Variants in AKAP12 observed in about 807,000 individuals in gnomAD.
AKAP12 encodes the protein A-kinase anchoring protein 12, also known as A-kinase anchor protein 12.
Under a neutral mutation model 79.9 loss-of-function variants are expected in AKAP12, and 32 were observed. The ratio of observed to expected loss-of-function variants is 0.40; its 90% CI spans 0.30 to 0.54. AKAP12 has a LOEUF of 0.54. Ranked by LOEUF, AKAP12 falls within the 20% of genes least tolerant of loss-of-function variation. The pLI, the probability that AKAP12 is intolerant of heterozygous loss-of-function variation, is 0.48. For synonymous variants in AKAP12, 808 were observed against 857.0 expected (o/e 0.94, Z 1.00); for missense variants, 2,074 against 2,177.0 (o/e 0.95, Z 0.94).
intron 2 of AKAP12, among the ~76,000 whole-genome samples, chr6:151,281,443 A>C (rs1776405705): frequency 6.6e-6 from 1 of 152,168 alleles, no homozygotes; most frequent in African/African-American, 2.4e-5. Flanking sequence ...CGCTATTTTA[A>C]TTTCAGGTTA....
chr6:151,323,778 G>A (rs1189300665), intron 3 of AKAP12: 1 of 985,270 alleles, frequency 1.0e-6, no homozygotes, highest in Non-Finnish European at 1.2e-6. Flanking sequence ...CTGATAGAAA[G>A]GAGAGGAGCT....
chr6:151,337,468 T>G (rs1777844253), intron 3 of AKAP12, among the ~76,000 whole-genome samples: 1 of 141,338 alleles, frequency 7.1e-6, no homozygotes, highest in East Asian at 2.1e-4. Flanking sequence ...TGAGCCGAGA[T>G]CGCGCCATTG....
chr6:151,316,673 C>T (rs902345681), intron 3 of AKAP12, among the ~76,000 whole-genome samples: 1 of 152,208 alleles, frequency 6.6e-6, no homozygotes, highest in Non-Finnish European at 1.5e-5. Context: ...CTCTGTCACC[C>T]AGGCTGGAGT....
At chr6:151,313,870 C>T (rs1562734115) in intron 3 of AKAP12, among the ~76,000 whole-genome samples, 1 of 152,092 alleles carries the variant, frequency 6.6e-6, no homozygotes, top group Non-Finnish European at 1.5e-5. Context: ...CACCCATCTC[C>T]GAAATTCTGT....
intron 2 of AKAP12, among the ~76,000 whole-genome samples, chr6:151,248,267 A>AT (rs112053514): frequency 0.11 from 15,811 of 140,696 alleles, 1,439 homozygotes; most frequent in East Asian, 0.29. Flanking sequence ...GGATTCTGTG[A>AT]TTTTTTTTTT....
chr6:151,325,162 C>G (rs149880235), intron 3 of AKAP12: 2 of 985,266 alleles, frequency 2.0e-6, no homozygotes, highest in Non-Finnish European at 2.4e-6. Context: ...CAGAGCAGTG[C>G]AACGTGTGTG....
Position 151,252,199 on chromosome 6 carries a change from C to CT in AKAP12, c.162+11490dup, listed in dbSNP as rs535309198. ...GCACAGCTGAAGGTCAAGTTTCTTT[C>CT]TTTTTTTTTTTTTTTCTGAGATGGA... On this transcript the variant is annotated intron_variant, in intron 2 of 4. Coordinates refer to ENST00000402676, the MANE Select transcript of AKAP12 (RefSeq NM_005100.4). Among the ~76,000 whole-genome samples the CT allele has an allele frequency of 6.6e-3, 943 of 143,600 alleles. 12 individuals carry two copies. Among genetic ancestry groups the CT allele is most frequent in the East Asian group, 0.03 (149 of 4,894 alleles). 94.2% of individuals were successfully genotyped at this position (143,600 alleles called of 152,430 possible).
intron 2 of AKAP12, among the ~76,000 whole-genome samples, chr6:151,272,313 C>T (rs188754668): frequency 6.8e-6 from 1 of 147,788 alleles, no homozygotes; most frequent in African/African-American, 2.5e-5. Context: ...TCACTGCACT[C>T]CAGCCTGAGT....
At chr6:151,246,606 G>A (rs1797079966) in intron 2 of AKAP12, among the ~76,000 whole-genome samples, 1 of 152,034 alleles carries the variant, frequency 6.6e-6, no homozygotes, top group Non-Finnish European at 1.5e-5. Flanking sequence ...AGTTTCCTTG[G>A]TGCATTTTTA....
intron 2 of AKAP12, among the ~76,000 whole-genome samples, chr6:151,269,368 C>T (rs1363863820): frequency 6.6e-6 from 1 of 151,942 alleles, no homozygotes; most frequent in Non-Finnish European, 1.5e-5. Flanking sequence ...ACTTGTTTGT[C>T]ATCCTGTTTG....
At chr6:151,326,733 G>T (rs140363096) in intron 3 of AKAP12, among the ~76,000 whole-genome samples, 1 of 152,200 alleles carries the variant, frequency 6.6e-6, no homozygotes, top group East Asian at 1.9e-4. Context: ...AATTCCGTTT[G>T]TGAATTTAAC....
intron 2 of AKAP12, among the ~76,000 whole-genome samples, chr6:151,260,006 C>G (rs1444517379): frequency 6.6e-6 from 1 of 151,896 alleles, no homozygotes; most frequent in Non-Finnish European, 1.5e-5. Context: ...GTTCCTAACA[C>G]AGTTGTTTTA....
intron 2 of AKAP12, among the ~76,000 whole-genome samples, chr6:151,301,747 C>T (rs757462872): frequency 2.6e-5 from 4 of 152,068 alleles, no homozygotes; most frequent in African/African-American, 4.8e-5. Flanking sequence ...CCTGGCGGGA[C>T]GCAAGCTATT....
At chr6:151,265,084 G>C (rs891358996) in intron 2 of AKAP12, among the ~76,000 whole-genome samples, 7 of 151,792 alleles carry the variant, frequency 4.6e-5, no homozygotes, top group African/African-American at 1.7e-4. Context: ...CCAGGAGGTG[G>C]AGGTTGCAGT....
At chr6:151,334,451 G>A (rs1276281910) in intron 3 of AKAP12, among the ~76,000 whole-genome samples, 9 of 151,906 alleles carry the variant, frequency 5.9e-5, no homozygotes, top group Middle Eastern at 3.4e-3. Flanking sequence ...AATATTTAGC[G>A]GGGCGTGGTG....
intron 2 of AKAP12, among the ~76,000 whole-genome samples, chr6:151,241,836 A>AT: frequency 6.6e-6 from 1 of 151,766 alleles, no homozygotes; most frequent in East Asian, 1.9e-4. Flanking sequence ...CAAAAAAAAA[A>AT]AAAAAAAGGA....
At chr6:151,252,631 ACCT>A (rs1797203640) in intron 2 of AKAP12, among the ~76,000 whole-genome samples, 2 of 150,034 alleles carry the variant, frequency 1.3e-5, no homozygotes, top group Non-Finnish European at 3.0e-5. Flanking sequence ...CTCATGGTGG[ACCT>A]GGTATTCCCA....
chr6:151,269,621 A>G (rs1206099416), intron 2 of AKAP12, among the ~76,000 whole-genome samples: 3 of 152,224 alleles, frequency 2.0e-5, no homozygotes, highest in Non-Finnish European at 4.4e-5. Context: ...CCCCAGGAAG[A>G]TATCTCTGGA....
intron 3 of AKAP12, among the ~76,000 whole-genome samples, chr6:151,329,453 A>G (rs1021560260): frequency 6.6e-6 from 1 of 152,156 alleles, no homozygotes; most frequent in African/African-American, 2.4e-5. Context: ...TTTCTCTAAC[A>G]CCCACATTAC....
Sources: allele counts gnomAD v4.1 joint callset (sites outside exome capture counted in the v4.1 genomes callset), GRCh38; gene constraint gnomAD v4.1.1; transcripts MANE v1.5; gene names NCBI Gene and HGNC (gene_info 2026-07-23, HGNC 2026-07-21).